Variants in FAT3 observed in about 807,000 individuals in gnomAD.
FAT3 encodes protocadherin Fat 3.
In FAT3, 95 loss-of-function variants were observed where a neutral mutation model predicts 310.2. That is an observed-to-expected ratio of 0.31 (90% CI 0.26 to 0.36). The LOEUF is 0.36. FAT3 is among the 10% of genes least tolerant of loss of function. FAT3 has a pLI of 1.00. For synonymous variants in FAT3, 2,314 were observed against 2,192.9 expected, an observed-to-expected ratio of 1.06 and a Z score of -1.54; for missense variants, 5,408 against 5,715.6, an observed-to-expected ratio of 0.95 and a Z score of 1.74.
chr11:92,499,941 G>A (rs530897515), intron 2 of FAT3, among the ~76,000 whole-genome samples: 1 of 152,124 alleles, frequency 6.6e-6, no homozygotes, highest in Non-Finnish European at 1.5e-5. Flanking sequence ...CTTTACAAAT[G>A]TCAGGGGTCT....
At chr11:92,570,846 G>C (rs1166670129) in intron 3 of FAT3, among the ~76,000 whole-genome samples, 2 of 151,584 alleles carry the variant, frequency 1.3e-5, no homozygotes, top group African/African-American at 4.8e-5. Flanking sequence ...ACTAAACTAT[G>C]AGCAAGATAT....
At chr11:92,318,957 A>T (rs751817532) in intron 1 of FAT3, among the ~76,000 whole-genome samples, 1 of 152,198 alleles carries the variant, frequency 6.6e-6, no homozygotes, top group Non-Finnish European at 1.5e-5. Context: ...TTTGTTCTCA[A>T]CTATTTATGG....
At chr11:92,315,477 GTGTATATATATATA>G (rs1435592360) in intron 1 of FAT3, among the ~76,000 whole-genome samples, 113 of 81,580 alleles carry the variant, frequency 1.4e-3, no homozygotes, top group African/African-American at 3.8e-3. Context: ...GTGTGTGTGT[GTGTATATATATATA>G]TATATATATA....
chr11:92,752,749 G>A (rs1945863607), intron 4 of FAT3, among the ~76,000 whole-genome samples: 1 of 152,156 alleles, frequency 6.6e-6, no homozygotes, highest in Admixed American at 6.5e-5. Flanking sequence ...CCCAAAATAA[G>A]CATAGTCATC....
intron 19 of FAT3, among the ~76,000 whole-genome samples, chr11:92,846,705 T>A (rs1018715931): frequency 3.3e-5 from 5 of 152,326 alleles, no homozygotes; most frequent in Admixed American, 3.3e-4. Flanking sequence ...ACCTTTCTAC[T>A]CCCAGTAAAT....
chr11:92,307,290 AAAC>A (rs1947166936), intron 1 of FAT3, among the ~76,000 whole-genome samples: 1 of 152,070 alleles, frequency 6.6e-6, no homozygotes, highest in African/African-American at 2.4e-5. Context: ...GCACAGAAGA[AAAC>A]AACATCATGT....
intron 2 of FAT3, among the ~76,000 whole-genome samples, chr11:92,438,368 G>A (rs542785371): frequency 1.1e-3 from 170 of 152,222 alleles, no homozygotes; most frequent in Admixed American, 3.2e-3. Context: ...TCCAGAAAGG[G>A]TATGAATCAA....
chr11:92,321,444 A>C (rs975713816), intron 1 of FAT3, among the ~76,000 whole-genome samples: 1 of 152,132 alleles, frequency 6.6e-6, no homozygotes, highest in African/African-American at 2.4e-5. Flanking sequence ...CTCAAAAAAA[A>C]AAAAAAATTC....
chr11:92,533,871 A>G (rs1299456492), intron 3 of FAT3, among the ~76,000 whole-genome samples: 1 of 152,118 alleles, frequency 6.6e-6, no homozygotes, highest in African/African-American at 2.4e-5. Flanking sequence ...GTTGGAAATT[A>G]CTGAGAATTA....
At chr11:92,816,040 A>G (rs961529884) in intron 13 of FAT3, among the ~76,000 whole-genome samples, 1 of 152,214 alleles carries the variant, frequency 6.6e-6, no homozygotes, top group Non-Finnish European at 1.5e-5. Flanking sequence ...GAACATTACA[A>G]TGTAAGCAAT....
chr11:92,255,179 C>A (rs1280189093), intron 1 of FAT3, among the ~76,000 whole-genome samples: 1 of 152,042 alleles, frequency 6.6e-6, no homozygotes. Context: ...GTACCCTGAC[C>A]CTTCAGACCC....
chr11:92,862,113 A>T (rs897430952), intron 21 of FAT3, among the ~76,000 whole-genome samples: 2 of 152,242 alleles, frequency 1.3e-5, no homozygotes, highest in African/African-American at 4.8e-5. Context: ...TTAAAGTACC[A>T]TTAAGATGAA....
intron 2 of FAT3, among the ~76,000 whole-genome samples, chr11:92,466,334 C>G (rs2135129502): frequency 6.6e-6 from 1 of 152,070 alleles, no homozygotes; most frequent in Non-Finnish European, 1.5e-5. Flanking sequence ...ATAGTTAAAC[C>G]AGGAAGTGGA....
At position 92,618,479 on chromosome 11, in the gene FAT3, C is replaced by G. The variant is rs1056321249; in HGVS notation, c.3608-78905C>G. Among the ~76,000 whole-genome samples the G allele has an allele frequency of 5.9e-5, 9 of 152,172 alleles. No individual in the cohort carries two copies. The East Asian group carries it at 1.7e-3, about 29-fold the overall frequency. On this transcript the variant is annotated intron_variant, in intron 3 of 27. Coordinates refer to ENST00000525166, the MANE Select transcript of FAT3 (RefSeq NM_001367949.2). ...TTCGGCTCACACTCTGTGGGCTGCACCCACTGTCCGACAAGCCCCAGTGAG... is the reference window on the plus strand; with the variant it reads ...TTCGGCTCACACTCTGTGGGCTGCAGCCACTGTCCGACAAGCCCCAGTGAG...
intron 13 of FAT3, among the ~76,000 whole-genome samples, chr11:92,821,300 C>G (rs887610842): frequency 6.6e-6 from 1 of 152,138 alleles, no homozygotes; most frequent in African/African-American, 2.4e-5. Flanking sequence ...TTTGTATACT[C>G]CAGTAATTTC....
chr11:92,562,982 A>G (rs1214211269), intron 3 of FAT3, among the ~76,000 whole-genome samples: 1 of 152,200 alleles, frequency 6.6e-6, no homozygotes, highest in Non-Finnish European at 1.5e-5. Context: ...CCTTTAGCCC[A>G]CTCAAGTTGA....
intron 2 of FAT3, among the ~76,000 whole-genome samples, chr11:92,522,918 G>A (rs1953733850): frequency 6.6e-6 from 1 of 152,120 alleles, no homozygotes; most frequent in Non-Finnish European, 1.5e-5. Context: ...TGACTGCATT[G>A]TGTGCTATGG....
At chr11:92,448,327 T>C (rs1951269229) in intron 2 of FAT3, among the ~76,000 whole-genome samples, 1 of 152,194 alleles carries the variant, frequency 6.6e-6, no homozygotes, top group Non-Finnish European at 1.5e-5. Context: ...CATCTGAACT[T>C]ATGTGCATTT....
In FAT3 at chr11:92,315,491, A is replaced by G. The variant is rs961537716; in HGVS notation, c.-17-36605A>G. Among the ~76,000 whole-genome samples, 439 of 77,160 alleles carry G rather than the reference A, an allele frequency of 5.7e-3. 8 individuals carry two copies. The highest frequency in any genetic ancestry group is 0.022 in the African/African-American group (409 of 18,562). 50.6% of individuals were successfully genotyped at this position (77,160 alleles called of 152,430 possible). ...TGTGTGTGTGTGTGTATATATATATATATATATATATATATATATATAGAG... is the reference window on the plus strand; with the variant it reads ...TGTGTGTGTGTGTGTATATATATATGTATATATATATATATATATATAGAG... On this transcript the variant is annotated intron_variant, in intron 1 of 27. Coordinates refer to ENST00000525166, the MANE Select transcript of FAT3 (RefSeq NM_001367949.2).
Sources: allele counts gnomAD v4.1 joint callset (sites outside exome capture counted in the v4.1 genomes callset), GRCh38; gene constraint gnomAD v4.1.1; transcripts MANE v1.5; gene names NCBI Gene and HGNC (gene_info 2026-07-23, HGNC 2026-07-21).